Variants in ATRNL1 observed in about 807,000 individuals in gnomAD.
ATRNL1 encodes attractin-like protein 1.
In ATRNL1, 95 loss-of-function variants were observed where a neutral mutation model predicts 182.7. The ratio of observed to expected loss-of-function variants is 0.52; its 90% CI spans 0.44 to 0.62. ATRNL1 has a LOEUF of 0.62. Ranked by LOEUF, ATRNL1 falls within the 20% of genes least tolerant of loss-of-function variation. ATRNL1 has a pLI of 0.00. For synonymous variants in ATRNL1, 576 were observed against 568.3 expected (o/e 1.01, Z -0.19); for missense variants, 1,471 against 1,679.5 (o/e 0.88, Z 2.17).
chr10:115,854,401 A>G (rs1555101328), intron 28 of ATRNL1, among the ~76,000 whole-genome samples: 2 of 152,146 alleles, frequency 1.3e-5, no homozygotes, highest in Non-Finnish European at 2.9e-5. Flanking sequence ...CTTAGTGGCG[A>G]TGGCTATAGA....
At chr10:115,112,381 G>A (rs137891739) in intron 1 of ATRNL1, among the ~76,000 whole-genome samples, 1 of 152,272 alleles carries the variant, frequency 6.6e-6, no homozygotes, top group East Asian at 1.9e-4. Flanking sequence ...ACTGGTCTTT[G>A]AAAAGTTAAT....
chr10:115,403,820 C>T (rs1844697556), intron 20 of ATRNL1, among the ~76,000 whole-genome samples: 1 of 152,156 alleles, frequency 6.6e-6, no homozygotes, highest in South Asian at 2.1e-4. Context: ...GCAGATAAGA[C>T]TAATGGTTTC....
At chr10:115,255,966 C>A (rs1851109282) in intron 10 of ATRNL1, among the ~76,000 whole-genome samples, 1 of 152,170 alleles carries the variant, frequency 6.6e-6, no homozygotes, top group Non-Finnish European at 1.5e-5. Context: ...TTGAACCAGC[C>A]TTGCATCCCA....
At chr10:115,915,740 G>C (rs1952830326) in intron 28 of ATRNL1, among the ~76,000 whole-genome samples, 1 of 152,158 alleles carries the variant, frequency 6.6e-6, no homozygotes, top group Non-Finnish European at 1.5e-5. Context: ...TTAGAGTGAG[G>C]AGGTAGATTT....
intron 1 of ATRNL1, among the ~76,000 whole-genome samples, chr10:115,107,573 A>G (rs1434847327): frequency 6.6e-6 from 1 of 152,142 alleles, no homozygotes; most frequent in African/African-American, 2.4e-5. Flanking sequence ...GAGGCTGCAC[A>G]TGGGTGACTC....
At chr10:115,759,353 T>C (rs1948673857) in intron 27 of ATRNL1, among the ~76,000 whole-genome samples, 1 of 152,136 alleles carries the variant, frequency 6.6e-6, no homozygotes. Flanking sequence ...GATCCATTGT[T>C]GTGGAGGGCC....
chr10:115,410,479 C>A (rs570849487), intron 20 of ATRNL1, among the ~76,000 whole-genome samples: 3 of 151,332 alleles, frequency 2.0e-5, no homozygotes, highest in Non-Finnish European at 4.4e-5. Context: ...GCACCACACA[C>A]CCAGCTAATT....
At chr10:115,221,264 C>G (rs1554897379) in intron 9 of ATRNL1, among the ~76,000 whole-genome samples, 2 of 152,096 alleles carry the variant, frequency 1.3e-5, no homozygotes, top group Non-Finnish European at 2.9e-5. Context: ...GTGTTGAGAA[C>G]CCTGGGATTA....
chr10:115,877,632 T>C (rs1005644233), intron 28 of ATRNL1, among the ~76,000 whole-genome samples: 8 of 152,224 alleles, frequency 5.3e-5, no homozygotes, highest in African/African-American at 1.9e-4. Context: ...GATGAGATTA[T>C]TTTATTTGGA....
At chr10:115,318,037 T>C (rs192515691) in intron 18 of ATRNL1, among the ~76,000 whole-genome samples, 1 of 152,290 alleles carries the variant, frequency 6.6e-6, no homozygotes, top group African/African-American at 2.4e-5. Flanking sequence ...GGGATTGTCA[T>C]AAGAAGCTCC....
chr10:115,658,223 G>T lies in ATRNL1; in HGVS notation c.3796-69025G>T, dbSNP rs1334191142. On this transcript the variant is annotated intron_variant, in intron 26 of 28. Transcript: ENST00000355044. ...CCATTCTCCTGCCTCAGTCTCCTGA[G>T]TAGCTAGGACTACAGGCACCTGCCA... Among the ~76,000 whole-genome samples the T allele has an allele frequency of 1.0e-4, 15 of 150,326 alleles. No individual in the cohort carries two copies. In the East Asian group the frequency reaches 3.0e-3, roughly 30 times the overall value.
At chr10:115,749,510 A>G (rs1470439009) in intron 27 of ATRNL1, among the ~76,000 whole-genome samples, 3 of 151,888 alleles carry the variant, frequency 2.0e-5, no homozygotes, top group South Asian at 4.1e-4. Context: ...GTGTACAGTA[A>G]AGATGCTGAA....
chr10:115,249,237 G>C (rs1182809220), intron 10 of ATRNL1, among the ~76,000 whole-genome samples: 4 of 151,870 alleles, frequency 2.6e-5, no homozygotes, highest in Non-Finnish European at 4.4e-5. Flanking sequence ...CAGGTGATCT[G>C]CCTGCCTTGG....
chr10:115,285,105 G>T (rs1852544351), intron 14 of ATRNL1, among the ~76,000 whole-genome samples: 1 of 152,034 alleles, frequency 6.6e-6, no homozygotes, highest in African/African-American at 2.4e-5. Flanking sequence ...CGTTTCCTTT[G>T]GGCCTATTTG....
intron 19 of ATRNL1, among the ~76,000 whole-genome samples, chr10:115,343,718 G>A (rs1430270702): frequency 2.0e-5 from 3 of 152,118 alleles, no homozygotes; most frequent in African/African-American, 7.2e-5. Flanking sequence ...GCATTGATCA[G>A]TTAGGTATTT....
chr10:115,352,516 T>A (rs183561608), intron 19 of ATRNL1, among the ~76,000 whole-genome samples: 1 of 152,328 alleles, frequency 6.6e-6, no homozygotes. Context: ...TTATTCTTAA[T>A]TTCTTAATTG....
chr10:115,790,675 CAGAG>C (rs1555081584), intron 27 of ATRNL1, among the ~76,000 whole-genome samples: 3 of 151,276 alleles, frequency 2.0e-5, no homozygotes, highest in African/African-American at 7.3e-5. Flanking sequence ...ATATTGGTGT[CAGAG>C]AGATCTAGAC....
At chr10:115,589,785 T>A (rs1206714968) in intron 26 of ATRNL1, among the ~76,000 whole-genome samples, 1 of 152,186 alleles carries the variant, frequency 6.6e-6, no homozygotes, top group Admixed American at 6.6e-5. Context: ...GTCTTTTGGA[T>A]CAAAAATGTC....
chr10:115,360,614 C>T (rs116491811), intron 19 of ATRNL1, among the ~76,000 whole-genome samples: 1,963 of 150,226 alleles, frequency 0.013, 38 homozygotes, highest in African/African-American at 0.044. Flanking sequence ...AAAAAAAATC[C>T]GATTATTAGT....
Sources: gnomAD v4.1 joint callset for allele counts (sites outside exome capture counted in the v4.1 genomes callset) on GRCh38, gnomAD v4.1.1 for gene constraint, MANE v1.5 for transcripts, NCBI Gene and HGNC (gene_info 2026-07-23, HGNC 2026-07-21) for gene names.